The following SLFN12L variants were observed in gnomAD, a reference collection of about 807,000 sequenced individuals.
The protein encoded by SLFN12L is schlafen family member 12 like, also known as schlafen family member 12-like.
In SLFN12L, 34 loss-of-function variants were observed where a neutral mutation model predicts 34.8. The observed-to-expected ratio is 0.98, with a 90% CI of 0.74 to 1.30. SLFN12L has a LOEUF of 1.30. Ranked by LOEUF, SLFN12L falls within the 50% of genes most tolerant of loss-of-function variation. The probability of loss-of-function intolerance (pLI) is 0.00; values close to 1 mark genes in which losing one functional copy is unlikely to be tolerated. For missense variants in SLFN12L, 703 were observed against 696.2 expected (o/e 1.01, Z -0.11); for synonymous variants, 259 against 247.5 (o/e 1.05, Z -0.44).
intron 2 of SLFN12L, among the ~76,000 whole-genome samples, chr17:35,508,583 C>T (rs960361671): frequency 6.6e-6 from 1 of 152,130 alleles, no homozygotes; most frequent in African/African-American, 2.4e-5. Flanking sequence ...CTCCTGACCT[C>T]GTGATCTGCC....
chr17:35,496,301 T>G (rs1423432343), intron 2 of SLFN12L, among the ~76,000 whole-genome samples: 1 of 151,970 alleles, frequency 6.6e-6, no homozygotes, highest in Non-Finnish European at 1.5e-5. Context: ...TCAGCCGTGA[T>G]CGCGCCACTG....
intron 2 of SLFN12L, among the ~76,000 whole-genome samples, chr17:35,510,893 C>A (rs1489911241): frequency 6.6e-6 from 1 of 151,212 alleles, no homozygotes; most frequent in Non-Finnish European, 1.5e-5. Context: ...AATATCTGAC[C>A]TGAAGTTACT....
In SLFN12L at chr17:35,466,032, G is replaced by A. The variant is rs867398536; in HGVS notation, c.*8891C>T. Among the ~76,000 whole-genome samples, 2 of 151,778 alleles carry A rather than the reference G, an allele frequency of 1.3e-5. No individual in the cohort carries two copies. Among genetic ancestry groups the A allele is most frequent in the Admixed American group, 6.6e-5 (1 of 15,230 alleles). ...GAGCAGATTCACAGCAAAATTGAGC[G>A]GAAAGTACAAAGATTTTCCATATAC... On this transcript the variant is annotated 3_prime_UTR_variant, in exon 5 of 5. Coordinates refer to ENST00000628453, the MANE Select transcript of SLFN12L (RefSeq NM_001363830.2).
chr17:35,505,846 A>C (rs559094504), intron 2 of SLFN12L, among the ~76,000 whole-genome samples: 31 of 152,224 alleles, frequency 2.0e-4, no homozygotes, highest in Admixed American at 6.5e-4. Flanking sequence ...CATGGGACTC[A>C]TTTTCCTTAA....
intron 2 of SLFN12L, chr17:35,498,183 G>GTGGGGAGCCGGGGCCACC: frequency 1.6e-6 from 1 of 624,828 alleles, no homozygotes; most frequent in Non-Finnish European, 2.9e-6. Context: ...AGGCGGCGGC[G>GTGGGGAGCCGGGGCCACC]TGGGGAGCCG....
chr17:35,530,302 G>A (rs1193469724), intron 1 of SLFN12L, among the ~76,000 whole-genome samples: 3 of 145,416 alleles, frequency 2.1e-5, no homozygotes, highest in Non-Finnish European at 4.5e-5. Flanking sequence ...AGCCAAGATT[G>A]TGCCACTGCA....
intron 2 of SLFN12L, among the ~76,000 whole-genome samples, chr17:35,482,532 C>T (rs1038742466): frequency 6.6e-5 from 10 of 152,186 alleles, no homozygotes; most frequent in Non-Finnish European, 1.2e-4. Context: ...TAGAATCCTG[C>T]CCCACAACCC....
At chr17:35,488,329 G>C (rs992624214) in intron 2 of SLFN12L, among the ~76,000 whole-genome samples, 2 of 152,244 alleles carry the variant, frequency 1.3e-5, no homozygotes, top group Non-Finnish European at 2.9e-5. Flanking sequence ...AACCGGGGGA[G>C]AGCAGCTACT....
chr17:35,494,174 C>A (rs1914951259), intron 2 of SLFN12L, among the ~76,000 whole-genome samples: 1 of 151,558 alleles, frequency 6.6e-6, no homozygotes, highest in Non-Finnish European at 1.5e-5. Context: ...AATTACTAAT[C>A]GGTTTAGCTT....
At chr17:35,530,441 GAAGAAAGA>G (rs1289016983) in intron 1 of SLFN12L, among the ~76,000 whole-genome samples, 50 of 16,860 alleles carry the variant, frequency 3.0e-3, no homozygotes, top group Non-Finnish European at 7.6e-3. Context: ...GAAGGGAAGG[GAAGAAAGA>G]AAGAAAGAAA....
chr17:35,489,458 G>T (rs1914743252), intron 2 of SLFN12L, among the ~76,000 whole-genome samples: 1 of 152,098 alleles, frequency 6.6e-6, no homozygotes, highest in Non-Finnish European at 1.5e-5. Context: ...GGAGGCTATG[G>T]TGGGAGGATC....
Position 35,522,764 on chromosome 17 carries a change from G to T in SLFN12L, c.-400C>A. The T allele has an allele frequency of 2.4e-5, 39 of 1,592,334 alleles. No homozygotes were observed. Among genetic ancestry groups the T allele is most frequent in the Non-Finnish European group, 3.3e-5 (38 of 1,162,082 alleles). On this transcript the variant is annotated 5_prime_UTR_variant, in exon 2 of 5. Transcript: ENST00000628453. ...GTGCAGTAGTCCTGGCCCTGCCAGG[G>T]CTGTTCTATGCTATCAGCAGAGCAT... is the stretch of plus-strand genomic sequence containing the variant.
In SLFN12L at chr17:35,479,101, A is replaced by T; in HGVS notation, c.1165+16T>A. 2 of 1,527,198 alleles carry T rather than the reference A, an allele frequency of 1.3e-6. No individual in the cohort carries two copies. Among genetic ancestry groups the T allele is most frequent in the Non-Finnish European group, 1.8e-6 (2 of 1,133,028 alleles). 94.6% of individuals were successfully genotyped at this position (1,527,198 alleles called of 1,614,324 possible). ...CAAGCCAAAGGTATCCTTATTGCCA[A>T]TCCTCCTTCCTCAACCTGGTTCTGA... On this transcript the variant is annotated intron_variant, in intron 3 of 4. Transcript: ENST00000628453.
chr17:35,506,287 C>A (rs879328393), intron 2 of SLFN12L, among the ~76,000 whole-genome samples: 1 of 152,088 alleles, frequency 6.6e-6, no homozygotes, highest in Non-Finnish European at 1.5e-5. Flanking sequence ...AGGAAAGAGG[C>A]TGTATGGCAG....
At chr17:35,480,401 T>C in intron 2 of SLFN12L, 1 of 453,232 alleles carries the variant, frequency 2.2e-6, no homozygotes, top group South Asian at 6.1e-5. Flanking sequence ...GTTACAACTG[T>C]TTTATACGAT....
At position 35,468,112 on chromosome 17, in the gene SLFN12L, T is replaced by C. The variant is rs1421640179; in HGVS notation, c.*6811A>G. Among the ~76,000 whole-genome samples the C allele has an allele frequency of 2.6e-5, 4 of 152,146 alleles. No individual in the cohort carries two copies. Among genetic ancestry groups the C allele is most frequent in the African/African-American group, 9.7e-5 (4 of 41,426 alleles). On this transcript the variant is annotated 3_prime_UTR_variant, in exon 5 of 5. Coordinates refer to ENST00000628453, the MANE Select transcript of SLFN12L (RefSeq NM_001363830.2). ...TTTTTGTAGAGACAGGGTTTTACCATGTTGCCCAGGCTGGTCTTGAATGCC... is the reference window on the plus strand; with the variant it reads ...TTTTTGTAGAGACAGGGTTTTACCACGTTGCCCAGGCTGGTCTTGAATGCC...
intron 2 of SLFN12L, among the ~76,000 whole-genome samples, chr17:35,505,544 A>C (rs1008049777): frequency 3.3e-5 from 5 of 152,226 alleles, no homozygotes; most frequent in Admixed American, 3.3e-4. Flanking sequence ...AAAGCTTGCT[A>C]TGTGAAAATC....
In SLFN12L at chr17:35,472,236, T is replaced by C. The variant is rs1303449633; in HGVS notation, c.*2687A>G. 6.6e-6 allele frequency among the ~76,000 whole-genome samples: 1 copy of C among 152,192 alleles called. No individual in the cohort carries two copies. The highest frequency in any genetic ancestry group is 1.5e-5 in the Non-Finnish European group (1 of 68,046). On this transcript the variant is annotated 3_prime_UTR_variant, in exon 5 of 5. Transcript: ENST00000628453. ...TTAATCTATCTTGAGTTAATTTTTGTATAAAGTGTAAGGAAGGGATCCAGT... is the reference window on the plus strand; with the variant it reads ...TTAATCTATCTTGAGTTAATTTTTGCATAAAGTGTAAGGAAGGGATCCAGT...
At chr17:35,507,242 A>T (rs188871154) in intron 2 of SLFN12L, among the ~76,000 whole-genome samples, 20 of 152,304 alleles carry the variant, frequency 1.3e-4, no homozygotes, top group African/African-American at 4.6e-4. Flanking sequence ...GCTATAGGAA[A>T]TTGGAAAGAT....
Sources: allele counts gnomAD v4.1 joint callset (sites outside exome capture counted in the v4.1 genomes callset), GRCh38; gene constraint gnomAD v4.1.1; transcripts MANE v1.5; gene names NCBI Gene and HGNC (gene_info 2026-07-23, HGNC 2026-07-21).